LRP1B: variants seen among roughly 807,000 people sequenced by gnomAD.
LRP1B encodes LDL receptor related protein 1B, also known as low-density lipoprotein receptor-related protein 1B.
LRP1B carries 217 observed loss-of-function variants against 556.6 expected under a neutral mutation model. The observed-to-expected ratio is 0.39, with a 90% confidence interval of 0.35 to 0.44. The LOEUF is 0.44. LRP1B is among the 20% of genes least tolerant of loss of function. The pLI, the probability that LRP1B is intolerant of heterozygous loss-of-function variation, is 1.00. For synonymous variants in LRP1B, 2,047 were observed against 1,865.8 expected, an observed-to-expected ratio of 1.10 and a Z score of -2.50; for missense variants, 5,053 against 5,620.8, an observed-to-expected ratio of 0.90 and a Z score of 3.23.
At chr2:141,354,776 A>AC (rs201884173) in intron 3 of LRP1B, among the ~76,000 whole-genome samples, 3,343 of 145,838 alleles carry the variant, frequency 0.023, 67 homozygotes, top group South Asian at 0.062. Context: ...CCCTGCAATT[A>AC]TAAAAAAAAA....
chr2:140,403,808 A>G (rs1684610683), intron 66 of LRP1B, among the ~76,000 whole-genome samples: 1 of 152,176 alleles, frequency 6.6e-6, no homozygotes, highest in African/African-American at 2.4e-5. Context: ...AAAGATTGTC[A>G]CCAAGACACA....
intron 18 of LRP1B, among the ~76,000 whole-genome samples, chr2:140,974,204 T>G (rs975163952): frequency 6.6e-6 from 1 of 152,214 alleles, no homozygotes; most frequent in Non-Finnish European, 1.5e-5. Context: ...CTTCTGACAT[T>G]GCTTACTGCC....
chr2:141,774,001 A>AAAC (rs528509216), intron 2 of LRP1B, among the ~76,000 whole-genome samples: 1 of 152,236 alleles, frequency 6.6e-6, no homozygotes, highest in Non-Finnish European at 1.5e-5. Context: ...ACAGGAGTTA[A>AAAC]AACAACAACA....
chr2:140,605,066 A>G (rs950674333), intron 41 of LRP1B, among the ~76,000 whole-genome samples: 5 of 152,144 alleles, frequency 3.3e-5, no homozygotes, highest in African/African-American at 1.2e-4. Flanking sequence ...ACACAAATTT[A>G]GCAGAAAATA....
At chr2:142,059,268 A>C (rs369909696) in intron 1 of LRP1B, among the ~76,000 whole-genome samples, 3 of 152,128 alleles carry the variant, frequency 2.0e-5, no homozygotes, top group Non-Finnish European at 4.4e-5. Context: ...TCATAATGAC[A>C]ATCTGAAATG....
intron 2 of LRP1B, among the ~76,000 whole-genome samples, chr2:141,613,155 C>T (rs996535547): frequency 6.6e-6 from 1 of 151,992 alleles, no homozygotes; most frequent in African/African-American, 2.4e-5. Context: ...CCTCATCCTC[C>T]CTTTTTGTGA....
intron 86 of LRP1B, among the ~76,000 whole-genome samples, chr2:140,251,053 C>T (rs1172525794): frequency 6.6e-6 from 1 of 151,686 alleles, no homozygotes; most frequent in Non-Finnish European, 1.5e-5. Flanking sequence ...GTTAATTTAT[C>T]GTCTCCCTGA....
intron 7 of LRP1B, among the ~76,000 whole-genome samples, chr2:141,128,619 G>A (rs1374252011): frequency 2.0e-5 from 3 of 152,084 alleles, no homozygotes; most frequent in Non-Finnish European, 2.9e-5. Context: ...ACATAATGAA[G>A]TTTCTTTTTT....
chr2:141,737,225 G>A (rs1693507361), intron 2 of LRP1B, among the ~76,000 whole-genome samples: 1 of 152,144 alleles, frequency 6.6e-6, no homozygotes, highest in East Asian at 1.9e-4. Flanking sequence ...GGTGGCACAT[G>A]CCTGTAATCC....
chr2:140,266,545 CTG>C (rs1682210862), intron 86 of LRP1B, among the ~76,000 whole-genome samples: 1 of 151,944 alleles, frequency 6.6e-6, no homozygotes, highest in Non-Finnish European at 1.5e-5. Flanking sequence ...ACCTAATAAA[CTG>C]TCCCCAATAT....
chr2:141,507,756 GA>G (rs1027816601), intron 2 of LRP1B, among the ~76,000 whole-genome samples: 6 of 151,870 alleles, frequency 4.0e-5, no homozygotes, highest in Non-Finnish European at 8.8e-5. Context: ...GTGCCCTTAG[GA>G]AAAAATATTA....
intron 2 of LRP1B, among the ~76,000 whole-genome samples, chr2:141,700,174 A>T (rs1691888989): frequency 6.6e-6 from 1 of 151,742 alleles, no homozygotes; most frequent in Non-Finnish European, 1.5e-5. Flanking sequence ...TGTGGTTATT[A>T]AATTTCTATT....
At chr2:142,096,969 A>G (rs1352122568) in intron 1 of LRP1B, among the ~76,000 whole-genome samples, 1 of 151,508 alleles carries the variant, frequency 6.6e-6, no homozygotes, top group African/African-American at 2.4e-5. Context: ...GAGTGACTTT[A>G]TAATCGCTGA....
chr2:141,725,448 G>A (rs1436246107), intron 2 of LRP1B, among the ~76,000 whole-genome samples: 1 of 151,830 alleles, frequency 6.6e-6, no homozygotes, highest in Non-Finnish European at 1.5e-5. Flanking sequence ...TGTTTCAGAA[G>A]TGTCATTGAT....
chr2:141,817,432 C>T (rs1696598875), intron 1 of LRP1B, among the ~76,000 whole-genome samples: 1 of 152,002 alleles, frequency 6.6e-6, no homozygotes, highest in African/African-American at 2.4e-5. Context: ...ATGAGAAAAG[C>T]TTAGTATAAT....
chr2:142,091,327 G>T (rs753647713), intron 1 of LRP1B, among the ~76,000 whole-genome samples: 13 of 152,088 alleles, frequency 8.5e-5, no homozygotes, highest in Non-Finnish European at 1.8e-4. Context: ...GATGTGATAG[G>T]TGCTGTTAGT....
At chr2:140,555,734 A>G (rs1314077455) in intron 43 of LRP1B, among the ~76,000 whole-genome samples, 1 of 152,054 alleles carries the variant, frequency 6.6e-6, no homozygotes, top group Non-Finnish European at 1.5e-5. Flanking sequence ...TGTAAATTTA[A>G]TGCTTTTTAA....
At chr2:141,853,800 G>T (rs1697948117) in intron 1 of LRP1B, among the ~76,000 whole-genome samples, 1 of 151,882 alleles carries the variant, frequency 6.6e-6, no homozygotes, top group South Asian at 2.1e-4. Flanking sequence ...CAAACATAAA[G>T]TATGCATTTC....
intron 49 of LRP1B, among the ~76,000 whole-genome samples, chr2:140,524,762 A>C (rs541676708): frequency 6.6e-6 from 1 of 151,982 alleles, no homozygotes; most frequent in South Asian, 2.1e-4. Flanking sequence ...ACAACGAAGT[A>C]AATATGGAAC....
Sources: gnomAD v4.1 joint callset for allele counts (sites outside exome capture counted in the v4.1 genomes callset) on GRCh38, gnomAD v4.1.1 for gene constraint, MANE v1.5 for transcripts, NCBI Gene and HGNC (gene_info 2026-07-23, HGNC 2026-07-21) for gene names.